The following GRID2 variants were observed in gnomAD, a reference collection of about 807,000 sequenced individuals.
The protein encoded by GRID2 is glutamate ionotropic receptor delta type subunit 2.
Under a neutral mutation model 114.8 loss-of-function variants are expected in GRID2, and 33 were observed. The ratio of observed to expected loss-of-function variants is 0.29; its 90% CI spans 0.22 to 0.38. The LOEUF (loss-of-function observed/expected upper bound fraction) is 0.38, where lower values mean the gene tolerates loss of function less well. Among genes scored for constraint, GRID2 ranks in the 10% least tolerant of loss-of-function variants. GRID2 has a pLI of 1.00. For synonymous variants in GRID2, 505 were observed against 449.9 expected, an observed-to-expected ratio of 1.12 and a Z score of -1.55; for missense variants, 1,184 against 1,257.7, an observed-to-expected ratio of 0.94 and a Z score of 0.89.
rs1553919234 is a variant in GRID2 at position 92,709,589 on chromosome 4, A to ATATAT, written c.244+119303_244+119304insTATAT. 3.6e-3 allele frequency among the ~76,000 whole-genome samples: 408 copies of ATATAT among 114,612 alleles called. 2 individuals carry two copies. The highest frequency in any genetic ancestry group is 0.012 in the African/African-American group (358 of 29,136). 75.2% of individuals were successfully genotyped at this position (114,612 alleles called of 152,430 possible). On this transcript the variant is annotated intron_variant, in intron 2 of 15. Coordinates refer to ENST00000282020, the MANE Select transcript of GRID2 (RefSeq NM_001510.4). Reference sequence around the variant, plus strand: ...AGTGTAGAGAAAAAAAAAAAAAAAAAATATATATATATATATATATGTAAT... The same window carrying ATATAT: ...AGTGTAGAGAAAAAAAAAAAAAAAAATATATATATATATATATATATATATGTAAT...
chr4:92,536,346 C>T (rs1337440025), intron 1 of GRID2, among the ~76,000 whole-genome samples: 4 of 152,142 alleles, frequency 2.6e-5, no homozygotes. Flanking sequence ...CTGATTGGTG[C>T]ATTTACAGTC....
At chr4:93,785,106 G>C (rs979000854) in intron 1 of GRID2, among the ~76,000 whole-genome samples, 4 of 152,190 alleles carry the variant, frequency 2.6e-5, no homozygotes, top group Non-Finnish European at 5.9e-5. Context: ...AGCGTATTGA[G>C]AAAGATCAGA....
chr4:92,770,074 A>T (rs1335385447), intron 2 of GRID2, among the ~76,000 whole-genome samples: 2 of 152,204 alleles, frequency 1.3e-5, no homozygotes, highest in East Asian at 3.9e-4. Context: ...GAATGCTTTT[A>T]ACAGCACTCA....
intron 2 of GRID2, among the ~76,000 whole-genome samples, chr4:93,069,296 A>G (rs1265716314): frequency 3.3e-5 from 5 of 151,756 alleles, no homozygotes. Context: ...GTATGTATAT[A>G]TATATGCATG....
intron 13 of GRID2, among the ~76,000 whole-genome samples, chr4:93,615,338 T>G (rs1578403952): frequency 1.3e-5 from 2 of 152,072 alleles, no homozygotes; most frequent in South Asian, 2.1e-4. Flanking sequence ...CTTTGGATGT[T>G]ATTATAAGTG....
intron 2 of GRID2, among the ~76,000 whole-genome samples, chr4:93,031,521 A>G (rs1021117909): frequency 3.3e-5 from 5 of 152,242 alleles, no homozygotes; most frequent in African/African-American, 1.2e-4. Flanking sequence ...TGTAGCTCCC[A>G]TAATTCCTAT....
At chr4:92,436,194 A>G (rs866888122) in intron 1 of GRID2, among the ~76,000 whole-genome samples, 1 of 152,292 alleles carries the variant, frequency 6.6e-6, no homozygotes, top group South Asian at 2.1e-4. Flanking sequence ...TGGAGGATAA[A>G]TAATGGCAAT....
chr4:93,436,675 A>G (rs888884852), intron 10 of GRID2, among the ~76,000 whole-genome samples: 7 of 152,196 alleles, frequency 4.6e-5, no homozygotes, highest in African/African-American at 1.7e-4. Flanking sequence ...ATACAAAATC[A>G]TAATGAACTA....
At chr4:92,806,869 G>A (rs1041454338) in intron 2 of GRID2, among the ~76,000 whole-genome samples, 2 of 151,846 alleles carry the variant, frequency 1.3e-5, no homozygotes, top group African/African-American at 2.4e-5. Context: ...TATTTAGATA[G>A]GCAGAGGGCA....
intron 2 of GRID2, among the ~76,000 whole-genome samples, chr4:92,961,272 T>A (rs773228162): frequency 3.6e-4 from 55 of 151,878 alleles, no homozygotes; most frequent in Admixed American, 5.3e-4. Flanking sequence ...CTGATGCTCT[T>A]TCTTTATGTT....
chr4:92,993,084 C>T (rs942869194), intron 2 of GRID2, among the ~76,000 whole-genome samples: 9 of 152,008 alleles, frequency 5.9e-5, no homozygotes, highest in African/African-American at 2.2e-4. Flanking sequence ...CATCGAATTA[C>T]AGTGCTTTGA....
intron 1 of GRID2, among the ~76,000 whole-genome samples, chr4:92,541,445 G>C (rs1032538051): frequency 4.0e-4 from 61 of 151,524 alleles, no homozygotes; most frequent in African/African-American, 1.4e-3. Flanking sequence ...AAGCTTCATG[G>C]AATGTGAAAA....
chr4:92,560,961 G>A (rs1184588181), intron 1 of GRID2, among the ~76,000 whole-genome samples: 2 of 152,120 alleles, frequency 1.3e-5, no homozygotes, highest in African/African-American at 2.4e-5. Flanking sequence ...ACCCGCCTCA[G>A]CCTCCCAAAA....
intron 8 of GRID2, among the ~76,000 whole-genome samples, chr4:93,254,547 A>G (rs1412814833): frequency 1.3e-5 from 2 of 152,092 alleles, no homozygotes; most frequent in Non-Finnish European, 2.9e-5. Context: ...ATGGAATTGT[A>G]TTTGAAATGC....
chr4:92,665,809 A>G lies in GRID2; in HGVS notation c.244+75523A>G, dbSNP rs143418530. 4.4e-4 allele frequency among the ~76,000 whole-genome samples: 67 copies of G among 151,306 alleles called. 1 individual carries two copies. The highest frequency in any genetic ancestry group is 7.4e-5 in the Non-Finnish European group (5 of 67,446). On this transcript the variant is annotated intron_variant, in intron 2 of 15. Transcript: ENST00000282020. ...CTACTGATAGTCTCATTGAGGTTGC[A>G]TATTATAAATTACTTTTCTATTTAT...
intron 6 of GRID2, among the ~76,000 whole-genome samples, chr4:93,219,912 C>A (rs1297274087): frequency 2.6e-5 from 4 of 151,990 alleles, no homozygotes; most frequent in African/African-American, 9.7e-5. Context: ...TCAGAAGGAG[C>A]AGGGAGATAG....
chr4:92,500,847 G>A (rs894835752), intron 1 of GRID2, among the ~76,000 whole-genome samples: 11 of 152,146 alleles, frequency 7.2e-5, no homozygotes, highest in African/African-American at 2.7e-4. Context: ...TCTTTTGGGT[G>A]ATGGTTTCTT....
At chr4:93,316,166 G>A (rs553392769) in intron 8 of GRID2, among the ~76,000 whole-genome samples, 5 of 151,872 alleles carry the variant, frequency 3.3e-5, no homozygotes, top group African/African-American at 1.2e-4. Context: ...TCAAAAAGGG[G>A]AGGTGGAACA....
At chr4:93,467,916 A>G (rs533616184) in intron 11 of GRID2, among the ~76,000 whole-genome samples, 1 of 152,318 alleles carries the variant, frequency 6.6e-6, no homozygotes, top group South Asian at 2.1e-4. Flanking sequence ...AACTTGTCAT[A>G]CCTGCATCAT....
Sources: allele counts gnomAD v4.1 joint callset (sites outside exome capture counted in the v4.1 genomes callset), GRCh38; gene constraint gnomAD v4.1.1; transcripts MANE v1.5; gene names NCBI Gene and HGNC (gene_info 2026-07-23, HGNC 2026-07-21).